SLC7A9: variants seen among roughly 807,000 people sequenced by gnomAD.
SLC7A9 encodes the protein B(0,+)-type amino acid transporter 1.
A neutral mutation model predicts 54.1 loss-of-function variants in SLC7A9; 38 were observed. The ratio of observed to expected loss-of-function variants is 0.70; its 90% CI spans 0.54 to 0.92. The LOEUF is 0.92. SLC7A9 is among the 40% of genes least tolerant of loss of function. The pLI is 0.00. For synonymous variants in SLC7A9, 264 were observed against 258.9 expected (o/e 1.02, Z -0.19); for missense variants, 537 against 636.1 (o/e 0.84, Z 1.68).
At chr19:32,860,191 TTC>T (rs1219178275) in intron 7 of SLC7A9, 12 of 1,472,338 alleles carry the variant, frequency 8.2e-6, no homozygotes, top group African/African-American at 1.4e-5. Context: ...GACCAAGCTC[TTC>T]CCTCCCTTAG....
chr19:32,855,510 A>G (rs8100742), intron 9 of SLC7A9, among the ~76,000 whole-genome samples: 6 of 150,708 alleles, frequency 4.0e-5, no homozygotes, highest in Admixed American at 1.3e-4. Context: ...CCATCCTGGC[A>G]AACACGGTGA....
intron 9 of SLC7A9, among the ~76,000 whole-genome samples, chr19:32,856,698 T>C (rs933837572): frequency 6.6e-6 from 1 of 152,150 alleles, no homozygotes; most frequent in Non-Finnish European, 1.5e-5. Flanking sequence ...CTGGAACTTC[T>C]GGGCTTCTGG....
rs190885797 is a variant in SLC7A9, at chr19:32,843,847, G to C, written c.1074+8C>G. On this transcript the variant is annotated splice_region_variant and intron_variant, in intron 10 of 12. Transcript: ENST00000023064. ...TGAAGATAGGCTGGTAGCGGGATTT[G>C]TACTCACATAAAAGATGATGGCGGG... 2 of 1,605,902 alleles carry C rather than the reference G, an allele frequency of 1.2e-6. No individual in the cohort carries two copies. The highest frequency in any genetic ancestry group is 2.2e-5 in the East Asian group (1 of 44,834).
chr19:32,849,733 G>C (rs1310975390), intron 9 of SLC7A9, among the ~76,000 whole-genome samples: 3 of 148,546 alleles, frequency 2.0e-5, no homozygotes, highest in East Asian at 3.9e-4. Flanking sequence ...AACCAAAAAA[G>C]AGAATTTTAG....
chr19:32,859,761 G>T, intron 8 of SLC7A9, 80 bp downstream of exon 8: 2 of 1,170,924 alleles, frequency 1.7e-6, no homozygotes, highest in Non-Finnish European at 2.6e-6. Context: ...CTGGGAGGGA[G>T]CTCACCTCCA....
At chr19:32,844,008 C>T in intron 9 of SLC7A9, 57 bp from the exon 10 acceptor site, 1 of 1,318,212 alleles carries the variant, frequency 7.6e-7, no homozygotes, top group Non-Finnish European at 1.1e-6. Context: ...CTGTCCAGGG[C>T]CACTGAGGAC....
rs1452682541 is a variant in SLC7A9 at position 32,864,168 on chromosome 19, C to T, written c.406G>A (p.Val136Met). 1 of 1,614,218 alleles carries T rather than the reference C, an allele frequency of 6.2e-7. No homozygotes were observed. The change falls in exon 4 of 13, where the codon GTG becomes ATG. Residue 136 changes from valine (V) to methionine (M), a missense_variant. Val to Met is a conservative substitution (Grantham distance 21, BLOSUM62 1). Transcript: ENST00000023064. ...AIICLSFSEY[V>M]CAPFYVGCKP... ...CAGCCCACATAGAAGGGCGCACACA[C>T]ATACTCGGAGAAGCTGAGGCAGATG... is the stretch of plus-strand genomic sequence containing the variant.
intron 12 of SLC7A9, 62 bp downstream of exon 12, chr19:32,833,087 G>T (rs1967852640): frequency 3.3e-6 from 5 of 1,506,758 alleles, no homozygotes; most frequent in Non-Finnish European, 2.8e-6. Flanking sequence ...GTCAGGACAG[G>T]TGAGGACGCC....
chr19:32,860,121 G>T lies in SLC7A9; in HGVS notation c.750-157C>A, dbSNP rs780421555. The T allele has an allele frequency of 3.2e-6, 5 of 1,546,888 alleles. No homozygotes were observed. In the Admixed American group the frequency reaches 9.8e-5, roughly 30 times the overall value. On this transcript the variant is annotated intron_variant, in intron 7 of 12. Transcript: ENST00000023064. ...TCAAATGAGAATGCTGCCTCTCTCA[G>T]ACTCCAGAGCAGTTCACATGGAACT...
intron 9 of SLC7A9, among the ~76,000 whole-genome samples, chr19:32,844,856 T>A (rs989775750): frequency 3.9e-4 from 3 of 7,608 alleles, no homozygotes; most frequent in South Asian, 4.2e-3. Flanking sequence ...AGAATCCATC[T>A]CAAAAAAAAA....
chr19:32,835,121 C>T (rs989562937), intron 11 of SLC7A9, among the ~76,000 whole-genome samples: 4 of 152,160 alleles, frequency 2.6e-5, no homozygotes, highest in South Asian at 2.1e-4. Flanking sequence ...AATGGATTTT[C>T]GGTCTTCAGC....
chr19:32,859,942 T>C lies in SLC7A9; in HGVS notation c.772A>G (p.Ile258Val), dbSNP rs776054778. The C allele has an allele frequency of 8.1e-6, 13 of 1,613,860 alleles. No homozygotes were observed. In the South Asian group the frequency reaches 1.4e-4, roughly 18 times the overall value. Residue 258 changes from isoleucine to valine, a missense_variant, in exon 8 of 13, where the codon ATC (isoleucine) becomes GTC (valine). Ile to Val is a conservative substitution (Grantham distance 29). Coordinates refer to ENST00000023064, the MANE Select transcript of SLC7A9 (RefSeq NM_014270.5). ...CACGCCGTCACCAGGGGGATCCCGA[T>C]GATAATGGCCAAAGGCAGGTTTCTG... ...PYRNLPLAII[I>V]GIPLVTACYI...
chr19:32,835,889 CTGTGTGTGTGTGTGTGTGTGTA>C (rs1010691900), intron 11 of SLC7A9, among the ~76,000 whole-genome samples: 2 of 140,774 alleles, frequency 1.4e-5, no homozygotes, highest in Non-Finnish European at 3.1e-5. Context: ...AATTTATGTA[CTGTGTGTGTGTGTGTGTGTGTA>C]TGTGTGTGTG....
rs1267701328 is a variant in SLC7A9, at chr19:32,856,926, G to A, written c.977+1514C>T. On this transcript the variant is annotated intron_variant, in intron 9 of 12. Coordinates refer to ENST00000023064, the MANE Select transcript of SLC7A9 (RefSeq NM_014270.5). ...CCAACACTTTGGGAGGCTGAGGCAG[G>A]TGGATCACGAGGTCAGGAGTTCAAG... Among the ~76,000 whole-genome samples the A allele has an allele frequency of 3.9e-5, 6 of 152,112 alleles. No individual in the cohort carries two copies. In the South Asian group the frequency reaches 1.2e-3, roughly 32 times the overall value.
At chr19:32,865,961 A>G (rs1968957264) in intron 2 of SLC7A9, among the ~76,000 whole-genome samples, 1 of 150,392 alleles carries the variant, frequency 6.6e-6, no homozygotes, top group Non-Finnish European at 1.5e-5. Flanking sequence ...ACTGTCTCAA[A>G]AAAAAAAAAA....
In SLC7A9 at chr19:32,842,231, G is replaced by A. The variant is rs147267783; in HGVS notation, c.1161C>T (p.Gly387=). 1.7e-3 allele frequency: 2,811 copies of A among 1,613,968 alleles called. 4 individuals carry two copies. Among genetic ancestry groups the A allele is most frequent in the Non-Finnish European group, 2.0e-3 (2,373 of 1,179,940 alleles). ...YFSFAAWLFY[G]LTILGLIVMR... The stretch of plus-strand genomic sequence containing the variant: ...TCACGATGAGTCCTAGAATCGTCAG[G>A]CCATAAAACAGCCATGCGGCAAAGC... Residue 387 remains glycine (G), a synonymous_variant, in exon 11 of 13, where the codon GGC becomes GGT. Coordinates refer to ENST00000023064, the MANE Select transcript of SLC7A9 (RefSeq NM_014270.5).
At chr19:32,854,310 A>G (rs796708150) in intron 9 of SLC7A9, among the ~76,000 whole-genome samples, 2 of 151,620 alleles carry the variant, frequency 1.3e-5, no homozygotes, top group African/African-American at 2.4e-5. Context: ...CACCGTACCC[A>G]TGCTGGAAGA....
intron 12 of SLC7A9, among the ~76,000 whole-genome samples, chr19:32,831,030 T>G (rs1967768182): frequency 6.6e-6 from 1 of 151,720 alleles, no homozygotes; most frequent in Non-Finnish European, 1.5e-5. Context: ...GCAGCCAGAG[T>G]TAAATTGCAC....
chr19:32,856,165 G>C (rs1014760449), intron 9 of SLC7A9, among the ~76,000 whole-genome samples: 1 of 151,400 alleles, frequency 6.6e-6, no homozygotes, highest in Non-Finnish European at 1.5e-5. Context: ...ACTATTGTTA[G>C]TAATAGTGTA....
Sources: allele counts gnomAD v4.1 joint callset (sites outside exome capture counted in the v4.1 genomes callset), GRCh38; gene constraint gnomAD v4.1.1; transcripts MANE v1.5; gene names NCBI Gene and HGNC (gene_info 2026-07-23, HGNC 2026-07-21).